The following MPHOSPH8 variants were observed in gnomAD, a reference collection of about 807,000 sequenced individuals.
MPHOSPH8 encodes M-phase phosphoprotein 8, also known as M-phase phosphoprotein, mpp.
MPHOSPH8 carries 45 observed loss-of-function variants against 87.3 expected under a neutral mutation model. The observed-to-expected ratio is 0.52, with a 90% CI of 0.41 to 0.66. The LOEUF (loss-of-function observed/expected upper bound fraction) is 0.66. MPHOSPH8 is among the 30% of genes least tolerant of loss of function. The pLI is 0.00. For missense variants in MPHOSPH8, 883 were observed against 1,020.2 expected (o/e 0.87, Z 1.83); for synonymous variants, 366 against 376.9 (o/e 0.97, Z 0.33).
Position 19,672,255 on chromosome 13 carries a change from C to G in MPHOSPH8, c.*380C>G, listed in dbSNP as rs1876173715. The stretch of plus-strand genomic sequence containing the variant: ...TGCCTCCTGGGTTCAAGTGATTCTC[C>G]TGCCTCAGCCTCCTGAGTAGCTGGG... On this transcript the variant is annotated 3_prime_UTR_variant, in exon 14 of 14. Coordinates refer to ENST00000361479, the MANE Select transcript of MPHOSPH8 (RefSeq NM_017520.4). 5.6e-6 allele frequency: 1 copy of G among 177,888 alleles called. No individual in the cohort carries two copies. The highest frequency in any genetic ancestry group is 5.7e-5 in the Admixed American group (1 of 17,624). The allele number at this position is 177,888 out of a possible 1,614,324, so 11.0% of individuals were successfully genotyped here. A position where few individuals can be genotyped will look rare whatever the true frequency, so the allele number is the denominator to read the frequency against.
In MPHOSPH8 at chr13:19,672,079, T is replaced by C; in HGVS notation, c.*204T>C. 1 of 571,900 alleles carries C rather than the reference T, an allele frequency of 1.7e-6. No individual in the cohort carries two copies. Among genetic ancestry groups the C allele is most frequent in the Middle Eastern group, 3.8e-4 (1 of 2,602 alleles). 35.4% of individuals were successfully genotyped at this position (571,900 alleles called of 1,614,324 possible). A position where few individuals can be genotyped will look rare whatever the true frequency, so the allele number is the denominator to read the frequency against. ...CGGAATCTCAGTGCAGTGTCCAGAC[T>C]GCGTATTTCAGTTTTTCCACAATGT... On this transcript the variant is annotated 3_prime_UTR_variant, in exon 14 of 14. Transcript: ENST00000361479.
chr13:19,646,385 T>C, intron 2 of MPHOSPH8, 58 bp from the exon 3 acceptor site: 1 of 1,302,172 alleles, frequency 7.7e-7, no homozygotes, highest in Non-Finnish European at 9.9e-7. Flanking sequence ...GTACTACTTT[T>C]CAAAACCTTT....
chr13:19,665,547 A>C (rs1195979416), intron 9 of MPHOSPH8, among the ~76,000 whole-genome samples: 1 of 152,136 alleles, frequency 6.6e-6, no homozygotes, highest in East Asian at 1.9e-4. Context: ...GCCCAGGGTA[A>C]CAACCAGAAA....
Position 19,661,706 on chromosome 13 carries a change from T to C in MPHOSPH8, c.1800T>C (p.Ser600=), listed in dbSNP as rs760032705. The change falls in exon 8 of 14, where the codon AGT becomes AGC. Residue 600 remains serine (S), a synonymous_variant. Transcript: ENST00000361479. ...TTAACAAACCAACACAGGATTCCAG[T>C]GGAATGACACTGGTGATGCTTGCCG... The part of the protein sequence containing the change: ...EEYNLDQEDS[S]GMTLVMLAAA... 15 of 1,596,492 alleles carry C rather than the reference T, an allele frequency of 9.4e-6. No individual in the cohort carries two copies. The highest frequency in any genetic ancestry group is 1.2e-5 in the Non-Finnish European group (14 of 1,168,858).
At chr13:19,662,842 GC>G (rs1875616733) in intron 8 of MPHOSPH8, among the ~76,000 whole-genome samples, 197 bp from the exon 9 acceptor site, 2 of 152,320 alleles carry the variant, frequency 1.3e-5, no homozygotes, top group Non-Finnish European at 2.9e-5. Flanking sequence ...GCAGTTGCTG[GC>G]AGCACAGTGA....
At position 19,671,958 on chromosome 13, in the gene MPHOSPH8, A is replaced by G; in HGVS notation, c.*83A>G. 1.4e-6 allele frequency: 2 copies of G among 1,417,714 alleles called. No homozygotes were observed. The highest frequency in any genetic ancestry group is 2.3e-5 in the East Asian group (1 of 43,890). The allele number at this position is 1,417,714 out of a possible 1,614,324, so 87.8% of individuals were successfully genotyped here. Reference sequence around the variant, plus strand: ...CAGCAGTTTGGAATTCTTCTAGCACATCTATGTAAAGTTTTGTCTGTAAAC... The same window carrying G: ...CAGCAGTTTGGAATTCTTCTAGCACGTCTATGTAAAGTTTTGTCTGTAAAC... On this transcript the variant is annotated 3_prime_UTR_variant, in exon 14 of 14. Transcript: ENST00000361479.
intron 1 of MPHOSPH8, among the ~76,000 whole-genome samples, chr13:19,636,519 C>G (rs1161264487): frequency 7.9e-5 from 12 of 151,236 alleles, no homozygotes; most frequent in Non-Finnish European, 1.6e-4. Context: ...TTCTCTGTTG[C>G]CCAGGCTGGA....
chr13:19,667,194 T>G (rs1181079155), intron 10 of MPHOSPH8, among the ~76,000 whole-genome samples: 1 of 152,150 alleles, frequency 6.6e-6, no homozygotes. Context: ...AAAGAAACTT[T>G]AAACATTTGT....
intron 7 of MPHOSPH8, among the ~76,000 whole-genome samples, chr13:19,660,688 CCTATATGT>C (rs548394754): frequency 1.1e-4 from 16 of 152,010 alleles, no homozygotes; most frequent in Non-Finnish European, 1.9e-4. Context: ...TAGATGTATG[CCTATATGT>C]TTTATAATGG....
At chr13:19,670,128 C>CT in intron 11 of MPHOSPH8, 108 bp from the exon 12 acceptor site, 1 of 1,356,940 alleles carries the variant, frequency 7.4e-7, no homozygotes, top group Non-Finnish European at 1.0e-6. Context: ...TGGGTGATGC[C>CT]TGTCTGACCA....
chr13:19,635,422 G>C (rs1035907578), intron 1 of MPHOSPH8, among the ~76,000 whole-genome samples: 2 of 152,284 alleles, frequency 1.3e-5, no homozygotes, highest in East Asian at 3.9e-4. Context: ...CAGCTACTCG[G>C]GAGGCTGAGG....
At chr13:19,642,338 A>G in intron 2 of MPHOSPH8, 68 bp downstream of exon 2, 1 of 1,277,602 alleles carries the variant, frequency 7.8e-7, no homozygotes. Flanking sequence ...CTCTCAAAGT[A>G]TGTGTAGTAA....
At chr13:19,640,031 G>A (rs1384842815) in intron 1 of MPHOSPH8, among the ~76,000 whole-genome samples, 4 of 152,010 alleles carry the variant, frequency 2.6e-5, no homozygotes, top group Non-Finnish European at 2.9e-5. Context: ...ACTTGAACCC[G>A]GGAGGCGGAG....
chr13:19,670,108 C>G lies in MPHOSPH8; in HGVS notation c.2330-128C>G, dbSNP rs1876041212. 5.4e-6 allele frequency: 6 copies of G among 1,101,144 alleles called. No homozygotes were observed. The East Asian group carries it at 1.5e-4, about 27-fold the overall frequency. The allele number at this position is 1,101,144 out of a possible 1,614,324, so 68.2% of individuals were successfully genotyped here. ...GAGAGGGCCAGCCTCCTCTGAGCCT[C>G]CAGGCAGAGTGGGTGATGCCTGTCT... On this transcript the variant is annotated intron_variant, in intron 11 of 13. Transcript: ENST00000361479.
intron 2 of MPHOSPH8, among the ~76,000 whole-genome samples, chr13:19,644,575 C>T (rs779988108): frequency 6.6e-6 from 1 of 152,206 alleles, no homozygotes; most frequent in Non-Finnish European, 1.5e-5. Context: ...TAGTACCGGA[C>T]GTCTCAAAGT....
rs1157672940 is a variant in MPHOSPH8 at position 19,661,754 on chromosome 13, C to T, written c.1848C>T (p.Leu616=). The change falls in exon 8 of 14, where the codon CTC becomes CTT. Residue 616 remains leucine, a synonymous_variant. Coordinates refer to ENST00000361479, the MANE Select transcript of MPHOSPH8 (RefSeq NM_017520.4). ...MLAAAGGQDD[L]LRLLITKGAK... ...CCGCCGCCGGAGGGCAGGACGACCT[C>T]CTGCGACTCCTCATCACAAAAGGCG... 2 of 1,612,788 alleles carry T rather than the reference C, an allele frequency of 1.2e-6. No homozygotes were observed. Among genetic ancestry groups the T allele is most frequent in the Non-Finnish European group, 8.5e-7 (1 of 1,179,368 alleles).
chr13:19,659,709 A>C, intron 7 of MPHOSPH8: 1 of 424,662 alleles, frequency 2.4e-6, no homozygotes, highest in Non-Finnish European at 4.6e-6. Flanking sequence ...AAATAAAAAA[A>C]TTGTAGAACC....
intron 1 of MPHOSPH8, among the ~76,000 whole-genome samples, chr13:19,635,187 G>T (rs992273585): frequency 2.0e-5 from 3 of 152,162 alleles, no homozygotes; most frequent in Non-Finnish European, 2.9e-5. Context: ...TGTATCACTT[G>T]CATTTAACAC....
At chr13:19,640,875 A>G (rs2137500586) in intron 1 of MPHOSPH8, among the ~76,000 whole-genome samples, 1 of 152,316 alleles carries the variant, frequency 6.6e-6, no homozygotes, top group East Asian at 1.9e-4. Flanking sequence ...GAGCGTTTGA[A>G]AAGTTATAAC....
Sources: gnomAD v4.1 joint callset for allele counts (sites outside exome capture counted in the v4.1 genomes callset) on GRCh38, gnomAD v4.1.1 for gene constraint, MANE v1.5 for transcripts, NCBI Gene and HGNC (gene_info 2026-07-23, HGNC 2026-07-21) for gene names.